The following RACGAP1 variants were observed in gnomAD, a reference collection of about 807,000 sequenced individuals.
RACGAP1 encodes Rac GTPase activating protein 1.
A neutral mutation model predicts 78.1 loss-of-function variants in RACGAP1; 30 were observed. The observed-to-expected ratio is 0.38, with a 90% CI of 0.29 to 0.52. The LOEUF is 0.52. RACGAP1 is among the 20% of genes least tolerant of loss of function. The pLI is 0.82. For missense variants in RACGAP1, 587 were observed against 777.1 expected (o/e 0.76, Z 2.91); for synonymous variants, 231 against 264.8 (o/e 0.87, Z 1.24).
intron 2 of RACGAP1, among the ~76,000 whole-genome samples, chr12:50,016,231 A>G (rs958275576): frequency 2.6e-5 from 4 of 152,100 alleles, no homozygotes; most frequent in Non-Finnish European, 4.4e-5. Context: ...AAAATACAAA[A>G]AATTAGCCGG....
At chr12:50,027,814 T>A (rs1310355639), upstream of RACGAP1, among the ~76,000 whole-genome samples, 2 of 152,110 alleles carry the variant, frequency 1.3e-5, no homozygotes, top group East Asian at 3.8e-4. Flanking sequence ...CAACAGGGCG[T>A]GACTCCATCT....
intron 10 of RACGAP1, among the ~76,000 whole-genome samples, chr12:49,995,982 G>A (rs1308542510): frequency 6.6e-6 from 1 of 152,132 alleles, no homozygotes; most frequent in Admixed American, 6.6e-5. Context: ...ATTGGACAGA[G>A]TCAGGAGGAG....
At chr12:50,025,000 C>T (rs1286969210) in intron 1 of RACGAP1, among the ~76,000 whole-genome samples, 2 of 152,042 alleles carry the variant, frequency 1.3e-5, no homozygotes, top group Non-Finnish European at 2.9e-5. Context: ...AGTAGAGGGG[C>T]TCCACTGCAG....
At chr12:49,990,555 C>A in intron 16 of RACGAP1, 129 bp downstream of exon 16, 1 of 823,824 alleles carries the variant, frequency 1.2e-6, no homozygotes, top group Non-Finnish European at 1.9e-6. Flanking sequence ...CTTATAGCCC[C>A]ACGTTCCCTT....
Position 50,024,319 on chromosome 12 carries a change from A to C in RACGAP1, c.-5+1079T>G, listed in dbSNP as rs146724056. On this transcript the variant is annotated intron_variant, in intron 1 of 16. Coordinates refer to ENST00000312377, the MANE Select transcript of RACGAP1 (RefSeq NM_001319999.2). The stretch of plus-strand genomic sequence containing the variant: ...TATATAGACAGACATACACCACAGA[A>C]TACTACTCAGCCATAAAAAAGAATG... Among the ~76,000 whole-genome samples, 901 of 152,336 alleles carry C rather than the reference A, an allele frequency of 5.9e-3. 9 individuals are homozygous for C. The highest frequency in any genetic ancestry group is 0.019 in the African/African-American group (810 of 41,564).
intron 2 of RACGAP1, among the ~76,000 whole-genome samples, chr12:50,013,302 A>G (rs1274990327): frequency 6.6e-6 from 1 of 152,210 alleles, no homozygotes; most frequent in Admixed American, 6.5e-5. Context: ...TAGCACTCCC[A>G]CAAAGAAAAT....
intron 2 of RACGAP1, among the ~76,000 whole-genome samples, chr12:50,007,362 A>G (rs1949034668): frequency 6.6e-6 from 1 of 152,206 alleles, no homozygotes; most frequent in Non-Finnish European, 1.5e-5. Flanking sequence ...CAGCATCTCA[A>G]AGGAAGAAGA....
At chr12:50,014,226 G>C (rs1949520352) in intron 2 of RACGAP1, among the ~76,000 whole-genome samples, 1 of 152,188 alleles carries the variant, frequency 6.6e-6, no homozygotes, top group South Asian at 2.1e-4. Flanking sequence ...ACTAAATTAG[G>C]TATTAATGAA....
intron 1 of RACGAP1, among the ~76,000 whole-genome samples, chr12:50,018,101 T>C (rs1056310450): frequency 1.4e-5 from 2 of 142,724 alleles, no homozygotes; most frequent in Admixed American, 7.5e-5. Context: ...GAGGTTGTAG[T>C]AAGCTAAGAT....
In RACGAP1 at chr12:49,990,050, C is replaced by A; in HGVS notation, c.*218G>T. 2.3e-6 allele frequency: 1 copy of A among 439,324 alleles called. No homozygotes were observed. The highest frequency in any genetic ancestry group is 4.1e-6 in the Non-Finnish European group (1 of 245,898). 27.2% of individuals were successfully genotyped at this position (439,324 alleles called of 1,614,324 possible). A position where few individuals can be genotyped will look rare whatever the true frequency, so the allele number is the denominator to read the frequency against. ...GGAAAGATGTCTCATCTAAAAGCTC[C>A]CAACAATGACCAGCACAAAGTGCTG... On this transcript the variant is annotated 3_prime_UTR_variant, in exon 17 of 17. Transcript: ENST00000312377.
In RACGAP1 at chr12:50,008,033, T is replaced by C. The variant is rs373757751; in HGVS notation, c.86-1397A>G. ...ATAAAAAGATTTTCATCTGACCTAA[T>C]TTTGCTGGTTTGTTTGTTCTTTAGG... On this transcript the variant is annotated intron_variant, in intron 2 of 16. Coordinates refer to ENST00000312377, the MANE Select transcript of RACGAP1 (RefSeq NM_001319999.2). 1.8e-3 allele frequency among the ~76,000 whole-genome samples: 277 copies of C among 151,634 alleles called. 1 individual carries two copies. Among genetic ancestry groups the C allele is most frequent in the African/African-American group, 6.6e-3 (273 of 41,418 alleles).
chr12:50,005,508 T>C (rs1156547368), intron 3 of RACGAP1, 116 bp from the exon 4 acceptor site: 1 of 1,187,756 alleles, frequency 8.4e-7, no homozygotes, highest in African/African-American at 1.5e-5. Context: ...CAAATGGACC[T>C]TCAGGAAGGC....
chr12:50,026,577 C>T (rs544421123), upstream of RACGAP1, among the ~76,000 whole-genome samples: 2 of 152,160 alleles, frequency 1.3e-5, no homozygotes, highest in East Asian at 1.9e-4. Flanking sequence ...TATATTAATT[C>T]GCTTGATTTA....
intron 16 of RACGAP1, 65 bp from the exon 17 acceptor site, chr12:49,990,408 A>G: frequency 7.5e-7 from 1 of 1,337,608 alleles, no homozygotes; most frequent in Middle Eastern, 1.8e-4. Flanking sequence ...AACAACTATA[A>G]TATTACTTGA....
intron 2 of RACGAP1, among the ~76,000 whole-genome samples, chr12:50,015,838 ATT>A (rs201077435): frequency 6.6e-6 from 1 of 151,182 alleles, no homozygotes; most frequent in African/African-American, 2.4e-5. Context: ...TTAAAAAAAA[ATT>A]TTTTTTAAAG....
intron 2 of RACGAP1, chr12:50,031,607 A>G: frequency 3.5e-6 from 3 of 850,012 alleles, no homozygotes; most frequent in Non-Finnish European, 4.2e-6. Flanking sequence ...TACCATTTCC[A>G]CCTGGGGCCT....
rs1356721316 is a variant in RACGAP1, at chr12:49,991,988, T to C, written c.1714+10A>G. The C allele has an allele frequency of 9.3e-6, 15 of 1,613,446 alleles. No homozygotes were observed. Among genetic ancestry groups the C allele is most frequent in the Non-Finnish European group, 1.3e-5 (15 of 1,179,970 alleles). On this transcript the variant is annotated intron_variant, in intron 15 of 16. Coordinates refer to ENST00000312377, the MANE Select transcript of RACGAP1 (RefSeq NM_001319999.2). Reference sequence around the variant, plus strand: ...GTCAAGTCCCTGAAGAAGCACATCTTGGGCCTTACCTTTAATATCTGGTGT... The same window carrying C: ...GTCAAGTCCCTGAAGAAGCACATCTCGGGCCTTACCTTTAATATCTGGTGT...
rs144451602 is a variant in RACGAP1, at chr12:49,992,022, T to C, written c.1690A>G (p.Thr564Ala). 907 of 1,614,082 alleles carry C rather than the reference T, an allele frequency of 5.6e-4. 7 individuals are homozygous for C. The Admixed American group carries it at 0.014, about 24-fold the overall frequency. Residue 564 changes from threonine (T) to alanine (A), a missense_variant, in exon 15 of 17, where the codon ACA becomes GCA. Transcript: ENST00000312377. ...HVIENSNAFSTPQTPDIKVSL... is the reference protein window; with the variant it reads ...HVIENSNAFSAPQTPDIKVSL... ...CCTTTAATATCTGGTGTCTGTGGTG[T>C]TGAAAAGGCATTTGAGTTTTCAATG...
intron 16 of RACGAP1, 76 bp downstream of exon 16, chr12:49,990,608 T>G: frequency 8.2e-7 from 1 of 1,226,080 alleles, no homozygotes. Context: ...AATTTTTCTT[T>G]CAATAAGCTT....
Sources: gnomAD v4.1 joint callset for allele counts (sites outside exome capture counted in the v4.1 genomes callset) on GRCh38, gnomAD v4.1.1 for gene constraint, MANE v1.5 for transcripts, NCBI Gene and HGNC (gene_info 2026-07-23, HGNC 2026-07-21) for gene names.